ZNF512: variants seen among roughly 807,000 people sequenced by gnomAD.
ZNF512 encodes zinc finger protein 512.
A neutral mutation model predicts 77.5 loss-of-function variants in ZNF512; 25 were observed. That is an observed-to-expected ratio of 0.32 (90% CI 0.23 to 0.45). The LOEUF (loss-of-function observed/expected upper bound fraction) is 0.45, where lower values mean the gene tolerates loss of function less well. Ranked by LOEUF, ZNF512 falls within the 20% of genes least tolerant of loss-of-function variation. The pLI is 1.00. For synonymous variants in ZNF512, 246 were observed against 239.9 expected (o/e 1.03, Z -0.24); for missense variants, 483 against 692.6 (o/e 0.70, Z 3.40).
At chr2:27,606,305 T>A (rs1672357696) in intron 9 of ZNF512, among the ~76,000 whole-genome samples, 1 of 152,166 alleles carries the variant, frequency 6.6e-6, no homozygotes. Flanking sequence ...TTTTTTCATT[T>A]ATGGATAATG....
intron 2 of ZNF512, among the ~76,000 whole-genome samples, chr2:27,593,782 C>CTTTTTTTT (rs768572545): frequency 5.2e-5 from 7 of 134,510 alleles, no homozygotes; most frequent in Non-Finnish European, 4.9e-5. Flanking sequence ...TTCTTTCTTT[C>CTTTTTTTT]TTTTTTTTTT....
At chr2:27,583,527 G>A in intron 1 of ZNF512, 131 bp from the exon 2 acceptor site, 3 of 1,514,128 alleles carry the variant, frequency 2.0e-6, no homozygotes, top group Admixed American at 2.5e-5. Context: ...TTCCTAAAAG[G>A]TGTTGCCTTC....
chr2:27,621,071 C>CT (rs1391900993), intron 13 of ZNF512, 82 bp from the exon 14 acceptor site: 2 of 1,509,052 alleles, frequency 1.3e-6, no homozygotes, highest in Middle Eastern at 1.8e-4. Context: ...CTAATCATGC[C>CT]TTTTTTCCAT....
intron 2 of ZNF512, among the ~76,000 whole-genome samples, chr2:27,591,700 C>T (rs1048152296): frequency 3.9e-5 from 6 of 152,218 alleles, no homozygotes; most frequent in South Asian, 2.1e-4. Flanking sequence ...CGAGTCACCG[C>T]GCCCAGCCTT....
chr2:27,599,151 C>T (rs918161212), intron 3 of ZNF512, among the ~76,000 whole-genome samples: 2 of 152,076 alleles, frequency 1.3e-5, no homozygotes, highest in African/African-American at 4.8e-5. Flanking sequence ...CATGGCTGGC[C>T]CCCCTTTTCT....
chr2:27,587,331 C>T (rs1475531239), intron 2 of ZNF512, among the ~76,000 whole-genome samples: 1 of 146,676 alleles, frequency 6.8e-6, no homozygotes. Context: ...GGCTGGAGTG[C>T]AGTGGCCTGA....
At chr2:27,584,039 C>T (rs1404923179) in intron 2 of ZNF512, among the ~76,000 whole-genome samples, 1 of 152,068 alleles carries the variant, frequency 6.6e-6, no homozygotes, top group Non-Finnish European at 1.5e-5. Context: ...CTTTTGAGCG[C>T]TTGAAATGTG....
At chr2:27,604,979 C>T (rs1672290565) in intron 9 of ZNF512, among the ~76,000 whole-genome samples, 1 of 152,086 alleles carries the variant, frequency 6.6e-6, no homozygotes, top group South Asian at 2.1e-4. Context: ...CTTTCATTTA[C>T]CATAATCCAT....
intron 2 of ZNF512, among the ~76,000 whole-genome samples, chr2:27,597,686 C>T (rs186588282): frequency 6.6e-6 from 1 of 152,294 alleles, no homozygotes; most frequent in East Asian, 1.9e-4. Context: ...CCTTTAGTTG[C>T]CATCCCTCTG....
intron 2 of ZNF512, among the ~76,000 whole-genome samples, chr2:27,593,473 T>C (rs1199804089): frequency 1.3e-5 from 2 of 151,572 alleles, no homozygotes; most frequent in Admixed American, 6.6e-5. Flanking sequence ...CACAAAAATT[T>C]AGTGGGTATG....
chr2:27,595,182 G>A (rs1014620824), intron 2 of ZNF512, among the ~76,000 whole-genome samples: 7 of 152,116 alleles, frequency 4.6e-5, no homozygotes, highest in Admixed American at 1.3e-4. Context: ...AGTATCTTTC[G>A]CCTCTCCCTC....
At chr2:27,619,632 CT>C (rs919124685) in intron 13 of ZNF512, among the ~76,000 whole-genome samples, 198 of 144,652 alleles carry the variant, frequency 1.4e-3, no homozygotes, top group Non-Finnish European at 1.2e-3. Flanking sequence ...TCTTACACTA[CT>C]TTTTTTTTTT....
Position 27,616,286 on chromosome 2 carries a change from G to A in ZNF512, c.1258G>A (p.Val420Ile), listed in dbSNP as rs1356531756. 6.2e-7 allele frequency: 1 copy of A among 1,614,124 alleles called. No homozygotes were observed. Among genetic ancestry groups the A allele is most frequent in the South Asian group, 1.1e-5 (1 of 91,084 alleles). Residue 420 changes from valine (V) to isoleucine (I), a missense_variant, in exon 12 of 14, where the codon GTA (valine) becomes ATA (isoleucine). Val to Ile is a conservative substitution (Grantham distance 29). This residue lies in a region of ZNF512 where 324 missense variants were observed against 525.0 expected (regional missense o/e 0.62). Transcript: ENST00000355467. ...NQGCEAVYSSVSGLKAHLGSC... is the reference protein window; with the variant it reads ...NQGCEAVYSSISGLKAHLGSC... ...GGGCTGTGAGGCTGTCTACAGCAGT[G>A]TATCTGGCCTTAAAGCTCACCTGGG...
intron 10 of ZNF512, among the ~76,000 whole-genome samples, chr2:27,609,169 T>G (rs976808620): frequency 3.3e-5 from 5 of 151,902 alleles, no homozygotes; most frequent in Non-Finnish European, 7.4e-5. Context: ...CTAACACTTA[T>G]GTCTTTTTTG....
At chr2:27,583,280 C>A in intron 1 of ZNF512, 138 bp downstream of exon 1, 1 of 1,383,300 alleles carries the variant, frequency 7.2e-7, no homozygotes, top group Non-Finnish European at 1.0e-6. Flanking sequence ...ATCAGATCAC[C>A]TGTCCCTTTT....
In ZNF512 at chr2:27,621,256, G is replaced by T. The variant is rs1434134385; in HGVS notation, c.1499G>T (p.Ser500Ile). The T allele has an allele frequency of 6.2e-7, 1 of 1,614,214 alleles. No homozygotes were observed. The highest frequency in any genetic ancestry group is 2.2e-5 in the East Asian group (1 of 44,882). ...EEEKRRQQHR[S>I]RRSLRRRQQP... ...GAAAAGCGGAGGCAGCAGCACAGGA[G>T]CAGAAGGTCTCTAAGAAGGCGGCAG... Residue 500 changes from serine to isoleucine, a missense_variant, in exon 14 of 14, where the codon AGC becomes ATC. Ser to Ile is a moderately radical substitution (Grantham distance 142). Transcript: ENST00000355467.
Position 27,621,431 on chromosome 2 carries a change from A to G in ZNF512, c.1674A>G (p.Pro558=). ...CACAGTTCCAGAAAGTAAAGCCCCCAAAGACTAATCATAAACGAGGAAGGA... is the reference window on the plus strand; with the variant it reads ...CACAGTTCCAGAAAGTAAAGCCCCCGAAGACTAATCATAAACGAGGAAGGA... ...VPAQFQKVKP[P]KTNHKRGRK is the part of the protein sequence containing the mutation. The change falls in exon 14 of 14, where the codon CCA becomes CCG. Residue 558 remains proline (P), a synonymous_variant. Transcript: ENST00000355467. The G allele has an allele frequency of 6.2e-7, 1 of 1,612,800 alleles. No individual in the cohort carries two copies. The highest frequency in any genetic ancestry group is 8.5e-7 in the Non-Finnish European group (1 of 1,179,934).
intron 2 of ZNF512, among the ~76,000 whole-genome samples, chr2:27,589,047 A>C (rs914604350): frequency 3.3e-5 from 5 of 152,114 alleles, no homozygotes; most frequent in African/African-American, 1.2e-4. Context: ...TATTCAGTTG[A>C]CTTTGTATGT....
intron 2 of ZNF512, among the ~76,000 whole-genome samples, chr2:27,586,965 T>A (rs1671356607): frequency 1.3e-5 from 2 of 152,228 alleles, no homozygotes; most frequent in Non-Finnish European, 2.9e-5. Flanking sequence ...GCCATCTATC[T>A]TGATTGACAT....
Sources: allele counts gnomAD v4.1 joint callset (sites outside exome capture counted in the v4.1 genomes callset), GRCh38; gene constraint gnomAD v4.1.1; regional missense constraint gnomAD v4.1.1; transcripts MANE v1.5; gene names NCBI Gene and HGNC (gene_info 2026-07-23, HGNC 2026-07-21).